AMPH: variants seen among roughly 807,000 people sequenced by gnomAD.
AMPH encodes the protein amphiphysin (Stiff-Mann syndrome with breast cancer 128kD autoantigen).
AMPH carries 49 observed loss-of-function variants against 99.1 expected under a neutral mutation model. The ratio of observed to expected loss-of-function variants is 0.49; its 90% CI spans 0.39 to 0.63. The LOEUF (loss-of-function observed/expected upper bound fraction) is 0.63, where lower values mean the gene tolerates loss of function less well. Ranked by LOEUF, AMPH falls within the 20% of genes least tolerant of loss-of-function variation. The probability of loss-of-function intolerance (pLI) is 0.00; values close to 1 mark genes in which losing one functional copy is unlikely to be tolerated. For synonymous variants in AMPH, 314 were observed against 317.3 expected (o/e 0.99, Z 0.11); for missense variants, 759 against 863.4 (o/e 0.88, Z 1.52).
At chr7:38,472,994 G>A (rs535716994) in intron 7 of AMPH, among the ~76,000 whole-genome samples, 1 of 152,300 alleles carries the variant, frequency 6.6e-6, no homozygotes, top group South Asian at 2.1e-4. Flanking sequence ...TTTGGATGTA[G>A]TAGAGATCAC....
intron 10 of AMPH, among the ~76,000 whole-genome samples, chr7:38,462,153 C>T (rs144145926): frequency 2.3e-3 from 347 of 152,266 alleles, no homozygotes; most frequent in Admixed American, 4.3e-3. Context: ...ATATTCAACA[C>T]GGTTATAAAA....
rs758826608 is a variant in AMPH, at chr7:38,476,822, A to C, written c.504+40T>G. On this transcript the variant is annotated intron_variant, in intron 6 of 20. Transcript: ENST00000356264. ...AAAAGTAAAGCTGCAACAGGTCATAAAATACGGAGAGTGGTATTCACCATG... is the reference window on the plus strand; with the variant it reads ...AAAAGTAAAGCTGCAACAGGTCATACAATACGGAGAGTGGTATTCACCATG... 2.7e-6 allele frequency: 4 copies of C among 1,478,072 alleles called. No homozygotes were observed. The African/African-American group carries it at 4.2e-5, about 15-fold the overall frequency. The allele number at this position is 1,478,072 out of a possible 1,614,324, so 91.6% of individuals were successfully genotyped here.
chr7:38,614,746 G>A (rs978090910), intron 1 of AMPH, among the ~76,000 whole-genome samples: 3 of 152,100 alleles, frequency 2.0e-5, no homozygotes, highest in Admixed American at 6.5e-5. Context: ...CTAAGGCCCC[G>A]AGGTAGAAGT....
At chr7:38,482,837 A>G (rs1584149811) in intron 5 of AMPH, among the ~76,000 whole-genome samples, 1 of 152,294 alleles carries the variant, frequency 6.6e-6, no homozygotes, top group Admixed American at 6.5e-5. Context: ...AGGAGATTAA[A>G]TTACCATGCA....
At chr7:38,426,871 A>T in intron 15 of AMPH, 83 bp downstream of exon 15, 2 of 1,252,670 alleles carry the variant, frequency 1.6e-6, no homozygotes, top group Non-Finnish European at 2.3e-6. Context: ...ACGCTATACT[A>T]GTGGCACAGA....
At position 38,575,040 on chromosome 7, in the gene AMPH, G is replaced by A. The variant is rs191975575; in HGVS notation, c.70-40029C>T. Reference sequence around the variant, plus strand: ...CTGCACTCCAGCCTGGTGACAGACCGAGACTCTGTCTAAAAAAAAAAAAAA... The same window carrying A: ...CTGCACTCCAGCCTGGTGACAGACCAAGACTCTGTCTAAAAAAAAAAAAAA... On this transcript the variant is annotated intron_variant, in intron 1 of 20. Coordinates refer to ENST00000356264, the MANE Select transcript of AMPH (RefSeq NM_001635.4). 3.0e-4 allele frequency among the ~76,000 whole-genome samples: 37 copies of A among 123,656 alleles called. No individual in the cohort carries two copies. In the East Asian group the frequency reaches 6.5e-3, roughly 22 times the overall value. 81.1% of individuals were successfully genotyped at this position (123,656 alleles called of 152,430 possible). A position where few individuals can be genotyped will look rare whatever the true frequency, so the allele number is the denominator to read the frequency against.
At chr7:38,501,802 T>TAAATAAATA (rs1554348326) in intron 3 of AMPH, among the ~76,000 whole-genome samples, 5 of 149,888 alleles carry the variant, frequency 3.3e-5, no homozygotes, top group African/African-American at 1.2e-4. Flanking sequence ...AATAAATAAA[T>TAAATAAATA]AAAAGATTTT....
At chr7:38,488,904 A>G (rs1428854581) in intron 5 of AMPH, among the ~76,000 whole-genome samples, 1 of 152,200 alleles carries the variant, frequency 6.6e-6, no homozygotes, top group Admixed American at 6.5e-5. Flanking sequence ...TACTATTGTT[A>G]AAATACCCAT....
intron 13 of AMPH, among the ~76,000 whole-genome samples, chr7:38,430,761 T>C (rs1785983802): frequency 2.0e-5 from 3 of 152,222 alleles, no homozygotes; most frequent in South Asian, 4.1e-4. Flanking sequence ...AGAAAAGATA[T>C]AACTTAGTCA....
chr7:38,417,275 C>A (rs1170782510), intron 17 of AMPH, among the ~76,000 whole-genome samples: 1 of 150,952 alleles, frequency 6.6e-6, no homozygotes, highest in Non-Finnish European at 1.5e-5. Context: ...CCCATCCCAG[C>A]ACAAAAACAA....
At chr7:38,592,671 C>T (rs1184613971) in intron 1 of AMPH, among the ~76,000 whole-genome samples, 3 of 150,316 alleles carry the variant, frequency 2.0e-5, no homozygotes, top group African/African-American at 4.9e-5. Flanking sequence ...GTGGATGTTG[C>T]AGTGTGCTGA....
At chr7:38,629,819 G>T (rs757548725) in intron 1 of AMPH, among the ~76,000 whole-genome samples, 5 of 152,176 alleles carry the variant, frequency 3.3e-5, no homozygotes, top group Admixed American at 2.6e-4. Context: ...AAGTAACCCG[G>T]GCCTGGAAGG....
intron 16 of AMPH, among the ~76,000 whole-genome samples, 191 bp downstream of exon 16, chr7:38,422,230 T>C (rs967155575): frequency 5.3e-5 from 8 of 152,196 alleles, no homozygotes; most frequent in African/African-American, 1.9e-4. Flanking sequence ...TGTGCCTGTG[T>C]GAATAGAAAT....
intron 1 of AMPH, among the ~76,000 whole-genome samples, chr7:38,553,032 G>A (rs12669080): frequency 0.1 from 15,717 of 152,144 alleles, 1,073 homozygotes; most frequent in Middle Eastern, 0.2. Flanking sequence ...AGTGGGAGAG[G>A]CACCAGCAGG....
At chr7:38,584,406 A>C (rs550667437) in intron 1 of AMPH, among the ~76,000 whole-genome samples, 1 of 152,326 alleles carries the variant, frequency 6.6e-6, no homozygotes, top group South Asian at 2.1e-4. Flanking sequence ...CATGGCTGTC[A>C]TTGCTTTGAG....
chr7:38,599,439 C>T (rs1200234937), intron 1 of AMPH, among the ~76,000 whole-genome samples: 1 of 152,198 alleles, frequency 6.6e-6, no homozygotes, highest in Non-Finnish European at 1.5e-5. Flanking sequence ...GTTTTCTTAA[C>T]ATTTTCTTTT....
At chr7:38,567,883 T>G (rs1791803924) in intron 1 of AMPH, among the ~76,000 whole-genome samples, 1 of 152,206 alleles carries the variant, frequency 6.6e-6, no homozygotes, top group African/African-American at 2.4e-5. Flanking sequence ...ATTGAAAATT[T>G]TGATAGCACT....
intron 20 of AMPH, among the ~76,000 whole-genome samples, chr7:38,388,977 T>C (rs1157489412): frequency 6.6e-6 from 1 of 152,214 alleles, no homozygotes; most frequent in Non-Finnish European, 1.5e-5. Context: ...ATCTATTTTA[T>C]TGTGGTAGAG....
At chr7:38,580,285 C>T (rs1184978712) in intron 1 of AMPH, among the ~76,000 whole-genome samples, 1 of 152,082 alleles carries the variant, frequency 6.6e-6, no homozygotes, top group Non-Finnish European at 1.5e-5. Flanking sequence ...GCTACAAGAA[C>T]AAAAGGCTCT....
Sources: gnomAD v4.1 joint callset for allele counts (sites outside exome capture counted in the v4.1 genomes callset) on GRCh38, gnomAD v4.1.1 for gene constraint, MANE v1.5 for transcripts, NCBI Gene and HGNC (gene_info 2026-07-23, HGNC 2026-07-21) for gene names.